Variants in GRID2IP observed in about 807,000 individuals in gnomAD.
The protein encoded by GRID2IP is Grid2 interacting protein, also known as delphilin.
GRID2IP carries 78 observed loss-of-function variants against 114.3 expected under a neutral mutation model. The observed-to-expected ratio is 0.68, with a 90% CI of 0.57 to 0.82. GRID2IP has a LOEUF of 0.82. GRID2IP is among the 40% of genes least tolerant of loss of function. The pLI is 0.00. For missense variants in GRID2IP, 1,727 were observed against 1,678.5 expected (o/e 1.03, Z -0.51); for synonymous variants, 809 against 724.0 (o/e 1.12, Z -1.89).
intron 1 of GRID2IP, among the ~76,000 whole-genome samples, chr7:6,540,081 C>T (rs1779789487): frequency 6.6e-6 from 1 of 150,688 alleles, no homozygotes; most frequent in Non-Finnish European, 1.5e-5. Flanking sequence ...CTTCCTTCTT[C>T]CCTTCCCCTC....
chr7:6,542,574 C>T (rs1043264437), intron 1 of GRID2IP, among the ~76,000 whole-genome samples: 16 of 152,222 alleles, frequency 1.1e-4, no homozygotes, highest in African/African-American at 3.9e-4. Flanking sequence ...GAGAGGATCA[C>T]TTGAGCTCAG....
In GRID2IP at chr7:6,510,190, C is replaced by G. The variant is rs140863809; in HGVS notation, c.1771+93G>C. ...GGGCCATGGGAGGGACTGGGACAAC[C>G]CTGACCCTGATGGAGCAGAGAAGCA... On this transcript the variant is annotated intron_variant, in intron 11 of 21. Coordinates refer to ENST00000457091, the MANE Select transcript of GRID2IP (RefSeq NM_001145118.2). 1.9e-3 allele frequency: 1,498 copies of G among 809,218 alleles called. 25 individuals carry two copies. In the East Asian group the frequency reaches 0.035, roughly 19 times the overall value. 50.1% of individuals were successfully genotyped at this position (809,218 alleles called of 1,614,324 possible).
chr7:6,536,826 C>T lies in GRID2IP; in HGVS notation c.584+2892G>A, dbSNP rs933534387. 8.5e-6 allele frequency: 6 copies of T among 702,422 alleles called. No homozygotes were observed. The African/African-American group carries it at 1.1e-4, about 12-fold the overall frequency. The allele number at this position is 702,422 out of a possible 1,614,324, so 43.5% of individuals were successfully genotyped here. On this transcript the variant is annotated intron_variant, in intron 2 of 21. Coordinates refer to ENST00000457091, the MANE Select transcript of GRID2IP (RefSeq NM_001145118.2). This position sits in a 1 kb window ranked among gnomAD's most constrained non-coding sequence, Gnocchi z 5.3. ...CTCCTAGCAAGGGGCTCACCCCTTA[C>T]TCACCCCAGGCAGCTCATGGTGGCC...
In GRID2IP at chr7:6,530,268, T is replaced by C. The variant is rs976263219; in HGVS notation, c.585-3499A>G. ...CCACCGCGCCTGGCCTTTTTTGTTG[T>C]TGTTTGTTTGTTTGTTTGAGAGAGA... is the stretch of plus-strand genomic sequence containing the variant. On this transcript the variant is annotated intron_variant, in intron 2 of 21. Coordinates refer to ENST00000457091, the MANE Select transcript of GRID2IP (RefSeq NM_001145118.2). Among the ~76,000 whole-genome samples the C allele has an allele frequency of 3.8e-5, 5 of 132,622 alleles. 1 individual carries two copies. The highest frequency in any genetic ancestry group is 7.9e-5 in the Non-Finnish European group (5 of 62,958). 87.0% of individuals were successfully genotyped at this position (132,622 alleles called of 152,430 possible).
rs1786277214 is a variant in GRID2IP at position 6,497,192 on chromosome 7, G to T, written c.*582C>A. The stretch of plus-strand genomic sequence containing the variant: ...CACTGCATGAAACCTCAATTCCGCA[G>T]TCTGACATAGGGGGTCTTCCTTCTC... On this transcript the variant is annotated 3_prime_UTR_variant, in exon 22 of 22. Coordinates refer to ENST00000457091, the MANE Select transcript of GRID2IP (RefSeq NM_001145118.2). Among the ~76,000 whole-genome samples the T allele has an allele frequency of 1.3e-5, 2 of 152,220 alleles. No individual in the cohort carries two copies. Among genetic ancestry groups the T allele is most frequent in the African/African-American group, 4.8e-5 (2 of 41,452 alleles).
At chr7:6,533,746 A>G (rs1012140902) in intron 2 of GRID2IP, among the ~76,000 whole-genome samples, 7 of 149,776 alleles carry the variant, frequency 4.7e-5, no homozygotes, top group Non-Finnish European at 8.9e-5. Flanking sequence ...CCTGGGCTCC[A>G]GTGATCCTCC....
chr7:6,499,500 G>A (rs1786353638), intron 20 of GRID2IP, among the ~76,000 whole-genome samples: 1 of 152,224 alleles, frequency 6.6e-6, no homozygotes, highest in African/African-American at 2.4e-5. Context: ...GCATGATCTC[G>A]GCTTACTGCA....
intron 1 of GRID2IP, 145 bp from the exon 2 acceptor site, chr7:6,540,017 G>A: frequency 1.7e-6 from 1 of 578,774 alleles, no homozygotes; most frequent in Non-Finnish European, 3.0e-6. Flanking sequence ...CCCATATCAT[G>A]CCCCTTCCTT....
chr7:6,505,875 A>C lies in GRID2IP; in HGVS notation c.2577T>G (p.Ser859Arg). 1 of 1,551,970 alleles carries C rather than the reference A, an allele frequency of 6.4e-7. No homozygotes were observed. The highest frequency in any genetic ancestry group is 8.7e-7 in the Non-Finnish European group (1 of 1,146,996). ...LGEDSDYDKL[S>R]DMVKYLDLEL... ...CCAGGTCGAGGTATTTCACCATGTC[A>C]CTCAGCTTATCGTAGTCAGAGTCTT... is the stretch of plus-strand genomic sequence containing the variant. The change falls in exon 14 of 22, where the codon AGT (serine) becomes AGG (arginine). Residue 859 changes from serine to arginine, a missense_variant. Ser to Arg is a moderately radical substitution (Grantham distance 110, BLOSUM62 -1). Transcript: ENST00000457091.
At position 6,539,869 on chromosome 7, in the gene GRID2IP, C is replaced by A; in HGVS notation, c.433G>T (p.Asp145Tyr). 6.4e-7 allele frequency: 1 copy of A among 1,550,820 alleles called. No individual in the cohort carries two copies. Among genetic ancestry groups the A allele is most frequent in the Non-Finnish European group, 8.7e-7 (1 of 1,146,542 alleles). ...RKAQEFSRKV[D>Y]EILGDQPTAK... is the part of the protein sequence containing the mutation. ...GTTGGCTGGTCCCCCAAGATTTCAT[C>A]CACCTGCAAGGAGGAGTCCTGTGAA... Residue 145 changes from aspartate (D) to tyrosine (Y), a missense_variant, in exon 2 of 22, where the codon GAT becomes TAT. Asp to Tyr is a radical substitution (Grantham distance 160). Coordinates refer to ENST00000457091, the MANE Select transcript of GRID2IP (RefSeq NM_001145118.2).
At chr7:6,515,979 C>A (rs930531991) in intron 7 of GRID2IP, among the ~76,000 whole-genome samples, 3 of 151,878 alleles carry the variant, frequency 2.0e-5, no homozygotes, top group East Asian at 3.9e-4. Context: ...TGCCTGTAAT[C>A]CCAGCTACTC....
In GRID2IP at chr7:6,536,555, T is replaced by C. The variant is rs928831621; in HGVS notation, c.584+3163A>G. Among the ~76,000 whole-genome samples, 1 of 151,034 alleles carries C rather than the reference T, an allele frequency of 6.6e-6. No homozygotes were observed. The highest frequency in any genetic ancestry group is 2.4e-5 in the African/African-American group (1 of 41,026). On this transcript the variant is annotated intron_variant, in intron 2 of 21. Transcript: ENST00000457091. This position sits in a 1 kb window ranked among gnomAD's most constrained non-coding sequence, Gnocchi z 5.3. ...GCAGGAACAGACACCGGCAGCGCTGTGGGAGAGGAGAACCGAGAGGGCCTC... is the reference window on the plus strand; with the variant it reads ...GCAGGAACAGACACCGGCAGCGCTGCGGGAGAGGAGAACCGAGAGGGCCTC...
Position 6,536,291 on chromosome 7 carries a change from G to A in GRID2IP, c.584+3427C>T, listed in dbSNP as rs190054089. Among the ~76,000 whole-genome samples the A allele has an allele frequency of 3.7e-4, 56 of 152,350 alleles. 1 individual carries two copies. The highest frequency in any genetic ancestry group is 1.3e-3 in the African/African-American group (56 of 41,590). On this transcript the variant is annotated intron_variant, in intron 2 of 21. Coordinates refer to ENST00000457091, the MANE Select transcript of GRID2IP (RefSeq NM_001145118.2). The surrounding 1 kb of genome is among the most constrained non-coding windows in gnomAD (Gnocchi z 5.3). ...CTCCAGCAGCCTCCCCAGTTTTCCT[G>A]GCGCACTTGACACGCGCTTACAGCA...
intron 2 of GRID2IP, among the ~76,000 whole-genome samples, chr7:6,530,537 G>A (rs1779599279): frequency 7.0e-6 from 1 of 143,288 alleles, no homozygotes; most frequent in Non-Finnish European, 1.5e-5. Flanking sequence ...CCCTCCCAAA[G>A]TGCTGGGATT....
chr7:6,526,835 G>A lies in GRID2IP; in HGVS notation c.585-66C>T, dbSNP rs934140368. On this transcript the variant is annotated intron_variant, in intron 2 of 21. Transcript: ENST00000457091. The surrounding 1 kb of genome is among the most constrained non-coding windows in gnomAD (Gnocchi z 7.6). The stretch of plus-strand genomic sequence containing the variant: ...CCCGGATCTCTGCAAACCGCGGCCC[G>A]AAGGCGCGTCCTCGCGGGCGCCGCC... 1.4e-5 allele frequency: 19 copies of A among 1,400,798 alleles called. No individual in the cohort carries two copies. In the East Asian group the frequency reaches 2.5e-4, roughly 18 times the overall value. The allele number at this position is 1,400,798 out of a possible 1,614,324, so 86.8% of individuals were successfully genotyped here.
rs770874802 is a variant in GRID2IP, at chr7:6,521,911, G to T, written c.966C>A (p.Leu322=). ...ACCTCATGTCCAGTCCATTGAGGAA[G>T]AGGATCCGGTCACCTGACTTGAGGG... is the stretch of plus-strand genomic sequence containing the variant. ...NAALKSGDRI[L]FLNGLDMRNC... Residue 322 remains leucine, a synonymous_variant, in exon 5 of 22, where the codon CTC becomes CTA. Coordinates refer to ENST00000457091, the MANE Select transcript of GRID2IP (RefSeq NM_001145118.2). The surrounding 1 kb of genome is among the most constrained non-coding windows in gnomAD (Gnocchi z 4.1). 2 of 1,551,436 alleles carry T rather than the reference G, an allele frequency of 1.3e-6. No individual in the cohort carries two copies. The highest frequency in any genetic ancestry group is 2.7e-5 in the African/African-American group (2 of 73,058).
rs551603138 is a variant in GRID2IP, at chr7:6,510,970, C to G, written c.1493G>C (p.Arg498Pro). 6.5e-7 allele frequency: 1 copy of G among 1,545,490 alleles called. No homozygotes were observed. The stretch of plus-strand genomic sequence containing the variant: ...GCTGCGGCGGCACATGGAGGAAGCC[C>G]GCAGGGAGCTCCGCGGCTGGGGCTC... ...TPEPQPRSSL[R>P]ASSMCRRSLR... The change falls in exon 9 of 22, where the codon CGG becomes CCG. Residue 498 changes from arginine (R) to proline (P), a missense_variant. By Grantham distance (103) the Arg-to-Pro change is moderately radical. Coordinates refer to ENST00000457091, the MANE Select transcript of GRID2IP (RefSeq NM_001145118.2).
chr7:6,541,408 T>G (rs1779813765), intron 1 of GRID2IP, among the ~76,000 whole-genome samples: 1 of 152,134 alleles, frequency 6.6e-6, no homozygotes. Flanking sequence ...CGCTGAGAGA[T>G]CCCACACAGA....
intron 20 of GRID2IP, among the ~76,000 whole-genome samples, chr7:6,500,826 C>G (rs565205462): frequency 6.6e-6 from 1 of 152,238 alleles, no homozygotes; most frequent in African/African-American, 2.4e-5. Context: ...TTCCTGTCTT[C>G]CCATCTGGGC....
Sources: gnomAD v4.1 joint callset for allele counts (sites outside exome capture counted in the v4.1 genomes callset) on GRCh38, gnomAD v4.1.1 for gene constraint, Gnocchi (gnomAD v3.1) non-coding constraint, MANE v1.5 for transcripts, NCBI Gene and HGNC (gene_info 2026-07-23, HGNC 2026-07-21) for gene names.